ART3: variants seen among roughly 807,000 people sequenced by gnomAD.
ART3 encodes ecto-ADP-ribosyltransferase 3.
Under a neutral mutation model 48.5 loss-of-function variants are expected in ART3, and 49 were observed. The ratio of observed to expected loss-of-function variants is 1.01; its 90% CI spans 0.80 to 1.28. The LOEUF is 1.28. ART3 is among the 50% of genes most tolerant of loss of function. The pLI, the probability that ART3 is intolerant of heterozygous loss-of-function variation, is 0.00. For missense variants in ART3, 438 were observed against 454.3 expected, an observed-to-expected ratio of 0.96 and a Z score of 0.33; for synonymous variants, 145 against 157.2, an observed-to-expected ratio of 0.92 and a Z score of 0.58.
rs185688240 is a variant in ART3 at position 76,044,212 on chromosome 4, G to A, written c.-9-31669G>A. On this transcript the variant is annotated intron_variant, in intron 1 of 9. Coordinates refer to the ART3 transcript ENST00000341029. Reference sequence around the variant, plus strand: ...CCATGTTGCCCAACTCCAGAGATTGGTATAAGAATTTGAAAGGCGTTGTCT... The same window carrying A: ...CCATGTTGCCCAACTCCAGAGATTGATATAAGAATTTGAAAGGCGTTGTCT... Among the ~76,000 whole-genome samples, 4 of 152,112 alleles carry A rather than the reference G, an allele frequency of 2.6e-5. No individual in the cohort carries two copies. The East Asian group carries it at 7.7e-4, about 29-fold the overall frequency.
intron 1 of ART3, among the ~76,000 whole-genome samples, chr4:76,025,495 G>C (rs1268887108): frequency 1.3e-5 from 2 of 152,168 alleles, no homozygotes; most frequent in Non-Finnish European, 2.9e-5. Flanking sequence ...TACATTAACT[G>C]TGTGCCAGGC....
chr4:76,100,886 G>A (rs895897958), intron 7 of ART3, 62 bp downstream of exon 7: 9 of 1,600,814 alleles, frequency 5.6e-6, no homozygotes, highest in Middle Eastern at 1.7e-4. Flanking sequence ...CTTTACAGGT[G>A]GGAATATTTT....
rs1242105140 is a variant in ART3, at chr4:76,022,301, A to G, written c.-10+10981A>G. ...TTGCACAGCAAACCACAATGCAAGT[A>G]TTTCTGACTCCCAAGATTGCCGTTT... is the stretch of plus-strand genomic sequence containing the variant. On this transcript the variant is annotated intron_variant, in intron 1 of 9. Coordinates refer to the ART3 transcript ENST00000341029. The G allele has an allele frequency of 6.0e-6, 8 of 1,325,838 alleles. 1 individual carries two copies. The highest frequency in any genetic ancestry group is 2.3e-5 in the South Asian group (2 of 85,192). The allele number at this position is 1,325,838 out of a possible 1,614,324, so 82.1% of individuals were successfully genotyped here.
intron 11 of ART3, among the ~76,000 whole-genome samples, chr4:76,110,858 G>C (rs1249021083): frequency 6.6e-6 from 1 of 151,912 alleles, no homozygotes; most frequent in Non-Finnish European, 1.5e-5. Flanking sequence ...TAAAAAGAAA[G>C]TATGTCATGA....
chr4:76,037,434 T>C (rs1251735272), intron 1 of ART3, among the ~76,000 whole-genome samples: 3 of 152,160 alleles, frequency 2.0e-5, no homozygotes, highest in Non-Finnish European at 2.9e-5. Context: ...GATTTCTTTC[T>C]AACTTTAAAT....
intron 1 of ART3, among the ~76,000 whole-genome samples, chr4:76,056,202 A>C (rs1318239730): frequency 6.6e-6 from 1 of 152,176 alleles, no homozygotes; most frequent in Non-Finnish European, 1.5e-5. Flanking sequence ...CAGTAACCCT[A>C]GGTGTTATCT....
intron 1 of ART3, among the ~76,000 whole-genome samples, chr4:76,060,508 A>G (rs1175488328): frequency 6.6e-6 from 1 of 152,154 alleles, no homozygotes; most frequent in East Asian, 1.9e-4. Flanking sequence ...CTACACACCT[A>G]TTGGCTAACA....
Position 76,074,720 on chromosome 4 carries a change from A to G in ART3, c.-109A>G, listed in dbSNP as rs1720696932. ...ATTCCTGTCTCAGCTCTCACTGTCA[A>G]CAACATCCCATCCTGAAGACTTGCT... is the stretch of plus-strand genomic sequence containing the variant. On this transcript the variant is annotated 5_prime_UTR_variant, in exon 1 of 12. Coordinates refer to ENST00000355810, the MANE Select transcript of ART3 (RefSeq NM_001130016.3). The G allele has an allele frequency of 6.6e-6, 1 of 152,200 alleles. No homozygotes were observed. Among genetic ancestry groups the G allele is most frequent in the Admixed American group, 6.5e-5 (1 of 15,282 alleles). 9.4% of individuals were successfully genotyped at this position (152,200 alleles called of 1,614,324 possible). A position where few individuals can be genotyped will look rare whatever the true frequency, so the allele number is the denominator to read the frequency against.
At chr4:76,107,675 A>G (rs1219596067) in intron 10 of ART3, 86 bp from the exon 11 acceptor site, 4 of 936,020 alleles carry the variant, frequency 4.3e-6, no homozygotes, top group Non-Finnish European at 4.9e-6. Context: ...AGAGATAACC[A>G]AGTTTGCTTA....
At chr4:76,019,948 G>A (rs2149366692) in intron 1 of ART3, among the ~76,000 whole-genome samples, 1 of 152,120 alleles carries the variant, frequency 6.6e-6, no homozygotes, top group Non-Finnish European at 1.5e-5. Context: ...CCTTGGCAAT[G>A]GTTGATGTTA....
intron 11 of ART3, 26 bp from the exon 12 acceptor site, chr4:76,112,360 C>T: frequency 6.2e-7 from 1 of 1,604,868 alleles, no homozygotes; most frequent in South Asian, 1.1e-5. Context: ...AATGATGTGT[C>T]AGTGACTGTG....
intron 3 of ART3, among the ~76,000 whole-genome samples, chr4:76,088,129 C>G (rs1038230106): frequency 6.6e-6 from 1 of 152,066 alleles, no homozygotes; most frequent in Non-Finnish European, 1.5e-5. Flanking sequence ...ATTATAAATA[C>G]CTGGTGGGAA....
intron 1 of ART3, among the ~76,000 whole-genome samples, chr4:76,052,721 T>TTC (rs1736243542): frequency 6.7e-6 from 1 of 149,064 alleles, no homozygotes; most frequent in African/African-American, 2.4e-5. Context: ...TTTCCTTCTT[T>TTC]TTTTTTTTTT....
chr4:76,018,162 C>T (rs1451218171), intron 1 of ART3, among the ~76,000 whole-genome samples: 1 of 152,186 alleles, frequency 6.6e-6, no homozygotes, highest in African/African-American at 2.4e-5. Context: ...TCATCACAGC[C>T]CTATTCACTA....
chr4:76,094,124 T>G (rs1725507823), intron 3 of ART3, among the ~76,000 whole-genome samples: 2 of 152,176 alleles, frequency 1.3e-5, no homozygotes, highest in Non-Finnish European at 1.5e-5. Flanking sequence ...GAAGAAAGCC[T>G]TTACCAGAAA....
Position 76,021,708 on chromosome 4 carries a change from A to G in ART3, c.-10+10388A>G, listed in dbSNP as rs1490453146. ...TCAGTAGAGCTTACATTATAGTGCC[A>G]GGGTAGAGTTATTACTGAATAGCTT... On this transcript the variant is annotated intron_variant, in intron 1 of 9. Coordinates refer to the ART3 transcript ENST00000341029. 8 of 562,486 alleles carry G rather than the reference A, an allele frequency of 1.4e-5. No individual in the cohort carries two copies. The South Asian group carries it at 1.7e-4, about 12-fold the overall frequency. 34.8% of individuals were successfully genotyped at this position (562,486 alleles called of 1,614,324 possible).
chr4:76,082,287 C>G lies in ART3; in HGVS notation c.533C>G (p.Ala178Gly). 2 of 1,614,208 alleles carry G rather than the reference C, an allele frequency of 1.2e-6. No homozygotes were observed. The highest frequency in any genetic ancestry group is 2.7e-5 in the African/African-American group (2 of 75,044). Residue 178 changes from alanine to glycine, a missense_variant, in exon 3 of 12, where the codon GCC becomes GGC. Physicochemically the swap from Ala to Gly is moderately conservative, Grantham distance 60. Coordinates refer to ENST00000355810, the MANE Select transcript of ART3 (RefSeq NM_001130016.3). ...TSFTFGGLNQ[A>G]RFGHFTLAYS... ...TTTACATTTGGAGGGCTAAACCAAG[C>G]CAGGTTTGGCCATTTTACCTTGGCA...
At chr4:76,066,929 G>A (rs35882473) in intron 1 of ART3, among the ~76,000 whole-genome samples, 40,764 of 152,032 alleles carry the variant, frequency 0.27, 6,105 homozygotes, top group East Asian at 0.5. Flanking sequence ...GAGGGCAGGG[G>A]GGCCTTCCCA....
At chr4:76,112,352 T>C (rs757792672) in intron 11 of ART3, 34 bp from the exon 12 acceptor site, 2 of 1,578,348 alleles carry the variant, frequency 1.3e-6, no homozygotes, top group East Asian at 4.6e-5. Flanking sequence ...ACATAAAAAA[T>C]GATGTGTCAG....
Sources: gnomAD v4.1 joint callset for allele counts (sites outside exome capture counted in the v4.1 genomes callset) on GRCh38, gnomAD v4.1.1 for gene constraint, MANE v1.5 for transcripts, NCBI Gene and HGNC (gene_info 2026-07-23, HGNC 2026-07-21) for gene names.